KIF13A: variants seen among roughly 807,000 people sequenced by gnomAD.
The protein encoded by KIF13A is kinesin family member 13A, also known as kinesin-like protein KIF13A.
Under a neutral mutation model 212.2 loss-of-function variants are expected in KIF13A, and 79 were observed. That is an observed-to-expected ratio of 0.37 (90% CI 0.31 to 0.45). KIF13A has a LOEUF of 0.45. KIF13A is among the 20% of genes least tolerant of loss of function. The pLI, the probability that KIF13A is intolerant of heterozygous loss-of-function variation, is 1.00. For missense variants in KIF13A, 1,901 were observed against 2,209.0 expected (o/e 0.86, Z 2.79); for synonymous variants, 789 against 808.6 (o/e 0.98, Z 0.41).
intron 2 of KIF13A, among the ~76,000 whole-genome samples, chr6:17,960,798 A>C (rs1778753996): frequency 6.6e-6 from 1 of 152,220 alleles, no homozygotes; most frequent in African/African-American, 2.4e-5. Flanking sequence ...AGTGCAGGAG[A>C]AACAGCAAAG....
At chr6:17,970,490 C>T (rs143344722) in intron 2 of KIF13A, among the ~76,000 whole-genome samples, 81 of 152,204 alleles carry the variant, frequency 5.3e-4, no homozygotes, top group African/African-American at 1.8e-3. Context: ...AGAGGAGATC[C>T]AATGGCAGTG....
chr6:17,763,994 G>C lies in KIF13A; in HGVS notation c.*116C>G. On this transcript the variant is annotated 3_prime_UTR_variant, in exon 39 of 39. Coordinates refer to ENST00000259711, the MANE Select transcript of KIF13A (RefSeq NM_022113.6). ...CTCTCCGACAGAGACAGCTGTGCAG[G>C]AAGTGAGCCTGCTTCTCTGTGGGCT... The C allele has an allele frequency of 1.4e-6, 2 of 1,461,870 alleles. No homozygotes were observed. Among genetic ancestry groups the C allele is most frequent in the Non-Finnish European group, 1.8e-6 (2 of 1,106,372 alleles). 90.6% of individuals were successfully genotyped at this position (1,461,870 alleles called of 1,614,324 possible).
At chr6:17,763,452 AGAGT>A (rs1758680549), downstream of KIF13A, among the ~76,000 whole-genome samples, 1 of 144,166 alleles carries the variant, frequency 6.9e-6, no homozygotes, top group African/African-American at 2.6e-5. Context: ...CCTGGGTGAC[AGAGT>A]GAGAGCCACA....
At chr6:17,770,896 TA>T (rs1458287045) in intron 38 of KIF13A, 1 of 524,190 alleles carries the variant, frequency 1.9e-6, no homozygotes, top group Non-Finnish European at 3.2e-6. Context: ...TCCCTTTTTC[TA>T]AGCAAACTTA....
At chr6:17,946,013 T>C (rs1777362159) in intron 2 of KIF13A, among the ~76,000 whole-genome samples, 2 of 152,244 alleles carry the variant, frequency 1.3e-5, no homozygotes, top group African/African-American at 4.8e-5. Flanking sequence ...AAAAAATAAA[T>C]TTCAAGGATT....
In KIF13A at chr6:17,898,246, T is replaced by A; in HGVS notation, c.147-66A>T. 6.8e-7 allele frequency: 1 copy of A among 1,473,608 alleles called. No homozygotes were observed. The highest frequency in any genetic ancestry group is 9.4e-7 in the Non-Finnish European group (1 of 1,059,216). 91.3% of individuals were successfully genotyped at this position (1,473,608 alleles called of 1,614,324 possible). ...GAGGGTTGTCAACACAGCAGCCACA[T>A]CAGAGGGAAACAATGAAAGAGAAAA... On this transcript the variant is annotated intron_variant, in intron 2 of 38. Transcript: ENST00000259711. This position sits in a 1 kb window ranked among gnomAD's most constrained non-coding sequence, Gnocchi z 5.2.
chr6:17,868,989 C>CAAAAAAAAAAAAAAAAAAAAAAAAAA (rs71002278), intron 4 of KIF13A, among the ~76,000 whole-genome samples: 2 of 20,914 alleles, frequency 9.6e-5, no homozygotes, highest in African/African-American at 2.8e-4. Context: ...GACTCCCTCT[C>CAAAAAAAAAAAAAAAAAAAAAAAAAA]AAAAAAAAAA....
chr6:17,788,933 C>T (rs1761297426), intron 26 of KIF13A, among the ~76,000 whole-genome samples: 1 of 152,102 alleles, frequency 6.6e-6, no homozygotes, highest in Non-Finnish European at 1.5e-5. Context: ...CCATGTTGGC[C>T]AGGCTGGTCT....
chr6:17,785,441 T>C lies in KIF13A; in HGVS notation c.3488+74A>G. 7.1e-7 allele frequency: 1 copy of C among 1,412,254 alleles called. No individual in the cohort carries two copies. Among genetic ancestry groups the C allele is most frequent in the Non-Finnish European group, 9.3e-7 (1 of 1,076,634 alleles). 87.5% of individuals were successfully genotyped at this position (1,412,254 alleles called of 1,614,324 possible). ...CATTTTCTGTGACAATCCTGGAAAG[T>C]CTCTTGCATGGCTCTTGCCACAGGC... On this transcript the variant is annotated intron_variant, in intron 28 of 38. Coordinates refer to ENST00000259711, the MANE Select transcript of KIF13A (RefSeq NM_022113.6). The surrounding 1 kb of genome is among the most constrained non-coding windows in gnomAD (Gnocchi z 5.8).
chr6:17,951,024 T>C lies in KIF13A; in HGVS notation c.146+36030A>G, dbSNP rs1447145624. The C allele has an allele frequency of 3.0e-6, 3 of 1,006,462 alleles. No homozygotes were observed. Among genetic ancestry groups the C allele is most frequent in the Non-Finnish European group, 3.6e-6 (3 of 841,070 alleles). The allele number at this position is 1,006,462 out of a possible 1,614,324, so 62.3% of individuals were successfully genotyped here. On this transcript the variant is annotated intron_variant, in intron 2 of 38. Coordinates refer to ENST00000259711, the MANE Select transcript of KIF13A (RefSeq NM_022113.6). This position sits in a 1 kb window ranked among gnomAD's most constrained non-coding sequence, Gnocchi z 4.9. Reference sequence around the variant, plus strand: ...TATTGAACATAAATGACTAAATATATGGGCTATCACAAACCCACTTTAGTA... The same window carrying C: ...TATTGAACATAAATGACTAAATATACGGGCTATCACAAACCCACTTTAGTA...
chr6:17,913,795 ATGG>A (rs1458100755), intron 2 of KIF13A, among the ~76,000 whole-genome samples: 78 of 152,300 alleles, frequency 5.1e-4, no homozygotes, highest in Admixed American at 6.5e-4. Context: ...ACCGGGATTG[ATGG>A]AGACGCAAAA....
intron 31 of KIF13A, 61 bp downstream of exon 31, chr6:17,780,669 G>T: frequency 6.6e-7 from 1 of 1,504,500 alleles, no homozygotes; most frequent in Middle Eastern, 1.7e-4. Context: ...CTTTGTGATA[G>T]AGAGAGGGAA....
chr6:17,987,129 G>T lies in KIF13A; in HGVS notation c.71C>A (p.Thr24Asn). The T allele has an allele frequency of 6.2e-7, 1 of 1,613,140 alleles. No homozygotes were observed. ...PMNRRELELN[T>N]KCVVEMEGNQ... ...CCCTTCCATCTCCACCACGCACTTG[G>T]TGTTCAGTTCCAGTTCTGAAAGCAG... Residue 24 changes from threonine (T) to asparagine (N), a missense_variant, in exon 2 of 39, where the codon ACC (threonine) becomes AAC (asparagine). By Grantham distance (65) the Thr-to-Asn change is moderately conservative. Around this residue, in one of 5 missense-constraint regions of KIF13A, gnomAD observed 506 missense variants for 637.4 expected, o/e 0.79. Coordinates refer to ENST00000259711, the MANE Select transcript of KIF13A (RefSeq NM_022113.6). The surrounding 1 kb of genome is among the most constrained non-coding windows in gnomAD (Gnocchi z 7.7).
chr6:17,861,440 T>G (rs377513778), intron 4 of KIF13A, among the ~76,000 whole-genome samples: 6 of 152,228 alleles, frequency 3.9e-5, no homozygotes, highest in African/African-American at 1.2e-4. Context: ...CTATGGATAT[T>G]TAGATTATTT....
intron 3 of KIF13A, among the ~76,000 whole-genome samples, chr6:17,873,881 C>T (rs1051012162): frequency 1.1e-4 from 16 of 152,144 alleles, no homozygotes; most frequent in African/African-American, 3.6e-4. Context: ...TGTGAGCCAT[C>T]GCGCCTGGCC....
chr6:17,851,744 G>A (rs1024739097), intron 7 of KIF13A, among the ~76,000 whole-genome samples: 5 of 152,182 alleles, frequency 3.3e-5, no homozygotes, highest in African/African-American at 1.2e-4. Flanking sequence ...TGGGCCTCCC[G>A]GCCATACTGT....
chr6:17,952,825 G>A (rs1777988447), intron 2 of KIF13A, among the ~76,000 whole-genome samples: 1 of 152,092 alleles, frequency 6.6e-6, no homozygotes, highest in Admixed American at 6.5e-5. Context: ...AGCTACTCAG[G>A]AGGCTGAGGC....
In KIF13A at chr6:17,914,415, G is replaced by A. The variant is rs1438895699; in HGVS notation, c.147-16235C>T. 6.6e-6 allele frequency among the ~76,000 whole-genome samples: 1 copy of A among 152,072 alleles called. No homozygotes were observed. The highest frequency in any genetic ancestry group is 1.5e-5 in the Non-Finnish European group (1 of 68,020). ...AAAATTACAATAAAATACAAAACTTGAGATGAATATGAGTACATCCACAAT... is the reference window on the plus strand; with the variant it reads ...AAAATTACAATAAAATACAAAACTTAAGATGAATATGAGTACATCCACAAT... On this transcript the variant is annotated intron_variant, in intron 2 of 38. Coordinates refer to ENST00000259711, the MANE Select transcript of KIF13A (RefSeq NM_022113.6). This position sits in a 1 kb window ranked among gnomAD's most constrained non-coding sequence, Gnocchi z 5.9.
At chr6:17,833,855 C>CAAAAAAAA (rs11358140) in intron 12 of KIF13A, 106 bp downstream of exon 12, 4,706 of 364,058 alleles carry the variant, frequency 0.013, 115 homozygotes, top group South Asian at 0.017. Flanking sequence ...GACTCCGTCT[C>CAAAAAAAA]AAAAAAAAAA....
Sources: gnomAD v4.1 joint callset for allele counts (sites outside exome capture counted in the v4.1 genomes callset) on GRCh38, gnomAD v4.1.1 for gene constraint, gnomAD v4.1.1 regional missense constraint, Gnocchi (gnomAD v3.1) non-coding constraint, MANE v1.5 for transcripts, NCBI Gene and HGNC (gene_info 2026-07-23, HGNC 2026-07-21) for gene names.